SELPLG: variants seen among roughly 807,000 people sequenced by gnomAD.
SELPLG encodes the protein selectin P ligand, also known as P-selectin glycoprotein ligand 1.
In SELPLG, 2 loss-of-function variants were observed where a neutral mutation model predicts 1.1. That is an observed-to-expected ratio of 1.82 (90% CI 0.74 to 5.71). SELPLG has a LOEUF of 5.71. Among genes scored for constraint, SELPLG ranks in the 30% most tolerant of loss-of-function variants. The pLI, the probability that SELPLG is intolerant of heterozygous loss-of-function variation, is 0.05. For synonymous variants in SELPLG, 230 were observed against 221.2 expected, an observed-to-expected ratio of 1.04 and a Z score of -0.35; for missense variants, 478 against 524.7, an observed-to-expected ratio of 0.91 and a Z score of 0.87.
At chr12:108,632,037 G>A (rs1037530212) in intron 1 of SELPLG, 5 of 972,446 alleles carry the variant, frequency 5.1e-6, no homozygotes, top group Non-Finnish European at 7.7e-6. Context: ...TTTCTCATCT[G>A]TAAAAGGGGC....
At chr12:108,626,134 T>TC (rs1565889422) in intron 1 of SELPLG, among the ~76,000 whole-genome samples, 2 of 147,918 alleles carry the variant, frequency 1.4e-5, no homozygotes, top group East Asian at 1.9e-4. Context: ...TTTTCTTTTT[T>TC]TTTTTTTTTT....
At position 108,623,104 on chromosome 12, in the gene SELPLG, C is replaced by T; in HGVS notation, c.1204G>A (p.Gly402Arg). 4.5e-6 allele frequency: 7 copies of T among 1,538,720 alleles called. No homozygotes were observed. The highest frequency in any genetic ancestry group is 6.1e-6 in the Non-Finnish European group (7 of 1,144,502). ...AAGCTGTGCAGGGTGAGGTCATCCC[C>T]CTCACGGTCCTCCCTGGGCTCTGGC... The part of the protein sequence containing the change: ...LTPEPREDRE[G>R]DDLTLHSFLP The change falls in exon 2 of 2, where the codon GGG becomes AGG. Residue 402 changes from glycine (G) to arginine (R), a missense_variant. Gly to Arg is a moderately radical substitution (Grantham distance 125). Transcript: ENST00000550948.
At chr12:108,629,779 G>T (rs1318571382) in intron 1 of SELPLG, among the ~76,000 whole-genome samples, 1 of 152,116 alleles carries the variant, frequency 6.6e-6, no homozygotes, top group Non-Finnish European at 1.5e-5. Flanking sequence ...CTCAGCTGAG[G>T]CCACACAGGT....
chr12:108,631,597 T>A (rs770103666), intron 1 of SELPLG, among the ~76,000 whole-genome samples: 2 of 152,162 alleles, frequency 1.3e-5, no homozygotes, highest in Non-Finnish European at 2.9e-5. Flanking sequence ...ATCTGTTTAA[T>A]GTTTGGTGGC....
chr12:108,631,864 A>G (rs2032061791), intron 1 of SELPLG: 1 of 1,534,202 alleles, frequency 6.5e-7, no homozygotes, highest in African/African-American at 1.4e-5. Context: ...CACACCAGCC[A>G]TCTTATCTCC....
Position 108,624,195 on chromosome 12 carries a change from C to T in SELPLG, c.113G>A (p.Arg38Gln), listed in dbSNP as rs149021318. The change falls in exon 2 of 2, where the codon CGG (arginine) becomes CAG (glutamine). Residue 38 changes from arginine (R) to glutamine (Q), a missense_variant. By Grantham distance (43) the Arg-to-Gln change is conservative. Coordinates refer to ENST00000550948, the MANE Select transcript of SELPLG (RefSeq NM_003006.4). ...ATATTCGGTGGCCTGTCTCCGGTCC[C>T]GGGCAAGCAGGGGACCCAAGGCTTT... Reference protein sequence around the residue: ...AEKALGPLLARDRRQATEYEY... With the variant: ...AEKALGPLLAQDRRQATEYEY... 8.5e-5 allele frequency: 137 copies of T among 1,614,180 alleles called. 1 individual carries two copies. In the African/African-American group the frequency reaches 1.4e-3, roughly 17 times the overall value.
Position 108,623,798 on chromosome 12 carries a change from C to T in SELPLG, c.510G>A (p.Glu170=), listed in dbSNP as rs1415022520. The change falls in exon 2 of 2, where the codon GAG becomes GAA. Residue 170 remains glutamate, a synonymous_variant. Transcript: ENST00000550948. ...EAQTTPLAAT[E]AQTTPPAATE... ...TGGCTGCTGGTGGAGTGGTCTGTGC[C>T]TCTGTGGCTGCCAGTGGAGTGGTCT... 3 of 1,613,590 alleles carry T rather than the reference C, an allele frequency of 1.9e-6. No homozygotes were observed. Among genetic ancestry groups the T allele is most frequent in the Admixed American group, 3.3e-5 (2 of 59,922 alleles).
chr12:108,632,558 G>C (rs747531713), intron 1 of SELPLG, among the ~76,000 whole-genome samples: 1 of 151,268 alleles, frequency 6.6e-6, no homozygotes, highest in African/African-American at 2.4e-5. Flanking sequence ...TCTGCCACCC[G>C]GGTTGGAGTG....
intron 1 of SELPLG, chr12:108,631,911 C>A (rs1265135262): frequency 4.6e-6 from 7 of 1,535,454 alleles, no homozygotes; most frequent in Non-Finnish European, 6.1e-6. Context: ...TCTTCCTGTT[C>A]AAGTTCAGCA....
intron 1 of SELPLG, among the ~76,000 whole-genome samples, chr12:108,627,184 T>C (rs538095822): frequency 8.3e-4 from 127 of 152,308 alleles, no homozygotes; most frequent in African/African-American, 2.7e-3. Context: ...TTATCCCCAT[T>C]TTACCAAGGA....
chr12:108,622,906 C>A lies in SELPLG; in HGVS notation c.*163G>T. 1.5e-6 allele frequency: 1 copy of A among 660,084 alleles called. No homozygotes were observed. Among genetic ancestry groups the A allele is most frequent in the Admixed American group, 3.4e-5 (1 of 29,274 alleles). The allele number at this position is 660,084 out of a possible 1,614,324, so 40.9% of individuals were successfully genotyped here. On this transcript the variant is annotated 3_prime_UTR_variant, in exon 2 of 2. Transcript: ENST00000550948. ...ACTTGCCCGTCTGCTTGGCCCCAGG[C>A]TGCTCTTGTCCTGTTTGGGTGGCCA...
In SELPLG at chr12:108,632,057, C is replaced by T. The variant is rs533863558; in HGVS notation, c.-6+1683G>A. ...CATCTGTAAAAGGGGCACTGTCCAC[C>T]CTCCAAGGTTCTCGGATGATTGATT... is the stretch of plus-strand genomic sequence containing the variant. On this transcript the variant is annotated intron_variant, in intron 1 of 1. Coordinates refer to ENST00000550948, the MANE Select transcript of SELPLG (RefSeq NM_003006.4). 28 of 775,854 alleles carry T rather than the reference C, an allele frequency of 3.6e-5. 1 individual carries two copies. In the South Asian group the frequency reaches 4.4e-4, roughly 12 times the overall value. The allele number at this position is 775,854 out of a possible 1,614,324, so 48.1% of individuals were successfully genotyped here. A position where few individuals can be genotyped will look rare whatever the true frequency, so the allele number is the denominator to read the frequency against.
At chr12:108,625,499 C>T (rs989279173) in intron 1 of SELPLG, among the ~76,000 whole-genome samples, 5 of 152,208 alleles carry the variant, frequency 3.3e-5, no homozygotes, top group Non-Finnish European at 7.3e-5. Context: ...TTTCAGTCAA[C>T]CTGCACTATA....
chr12:108,628,649 T>A (rs965476573), intron 1 of SELPLG: 3 of 152,222 alleles, frequency 2.0e-5, no homozygotes, highest in Admixed American at 1.3e-4. Context: ...GGTTCCCGGG[T>A]TGGGGGAGGC....
rs1055734347 is a variant in SELPLG, at chr12:108,623,416, T to C, written c.892A>G (p.Met298Val). 1 of 1,614,190 alleles carries C rather than the reference T, an allele frequency of 6.2e-7. No homozygotes were observed. The highest frequency in any genetic ancestry group is 1.1e-5 in the South Asian group (1 of 91,080). Residue 298 changes from methionine (M) to valine (V), a missense_variant, in exon 2 of 2, where the codon ATG becomes GTG. Physicochemically the swap from Met to Val is conservative, Grantham distance 21 (BLOSUM62 1). Transcript: ENST00000550948. ...TTGACGGACAAATTGCTGGCTGCCATGGGAATGCCCTTGTGAGTAACAGAG... is the reference window on the plus strand; with the variant it reads ...TTGACGGACAAATTGCTGGCTGCCACGGGAATGCCCTTGTGAGTAACAGAG... ...VSSVTHKGIP[M>V]AASNLSVNYP...
At chr12:108,630,919 G>A (rs765141085) in intron 1 of SELPLG, among the ~76,000 whole-genome samples, 7 of 152,324 alleles carry the variant, frequency 4.6e-5, no homozygotes, top group African/African-American at 9.6e-5. Context: ...GGATTCAGCC[G>A]ATGGGCAGGC....
chr12:108,625,017 T>C (rs892149730), intron 1 of SELPLG, among the ~76,000 whole-genome samples: 2 of 152,220 alleles, frequency 1.3e-5, no homozygotes, highest in Non-Finnish European at 2.9e-5. Context: ...TTTCAAGTAT[T>C]ACATTATTTA....
At chr12:108,625,552 C>T (rs913485798) in intron 1 of SELPLG, among the ~76,000 whole-genome samples, 2 of 152,192 alleles carry the variant, frequency 1.3e-5, no homozygotes, top group Non-Finnish European at 2.9e-5. Flanking sequence ...CTCTCCATGG[C>T]CAGGAGAAAA....
At chr12:108,624,337 G>C in intron 1 of SELPLG, 25 bp from the exon 2 acceptor site, 1 of 1,604,434 alleles carries the variant, frequency 6.2e-7, no homozygotes, top group Non-Finnish European at 8.5e-7. Flanking sequence ...TGGGCGGAGG[G>C]ATGTCAAGAC....
Sources: gnomAD v4.1 joint callset for allele counts (sites outside exome capture counted in the v4.1 genomes callset) on GRCh38, gnomAD v4.1.1 for gene constraint, MANE v1.5 for transcripts, NCBI Gene and HGNC (gene_info 2026-07-23, HGNC 2026-07-21) for gene names.